FHIP1A: variants seen among roughly 807,000 people sequenced by gnomAD.
FHIP1A encodes FHF complex subunit HOOK-interacting protein 1A.
Under a neutral mutation model 88.6 loss-of-function variants are expected in FHIP1A, and 61 were observed. The observed-to-expected ratio is 0.69, with a 90% CI of 0.56 to 0.85. The LOEUF (loss-of-function observed/expected upper bound fraction) is 0.85. Ranked by LOEUF, FHIP1A falls within the 40% of genes least tolerant of loss-of-function variation. FHIP1A has a pLI of 0.00. For missense variants in FHIP1A, 1,154 were observed against 1,273.5 expected (o/e 0.91, Z 1.43); for synonymous variants, 478 against 496.0 (o/e 0.96, Z 0.48).
intron 10 of FHIP1A, among the ~76,000 whole-genome samples, chr4:151,648,007 C>T (rs919919009): frequency 6.6e-6 from 1 of 152,180 alleles, no homozygotes; most frequent in Admixed American, 6.5e-5. Flanking sequence ...GTTTCAGATG[C>T]CATGTTCTTT....
intron 3 of FHIP1A, among the ~76,000 whole-genome samples, chr4:151,556,048 A>G (rs1732934812): frequency 6.6e-6 from 1 of 152,154 alleles, no homozygotes; most frequent in Non-Finnish European, 1.5e-5. Context: ...TCAGTAAACA[A>G]TGTATAAATG....
At chr4:151,616,316 A>G (rs767142391) in intron 7 of FHIP1A, among the ~76,000 whole-genome samples, 6 of 152,220 alleles carry the variant, frequency 3.9e-5, no homozygotes, top group Non-Finnish European at 8.8e-5. Flanking sequence ...CTGTTGCCAG[A>G]GAATAGGGTT....
intron 7 of FHIP1A, among the ~76,000 whole-genome samples, chr4:151,596,859 GTTTTTCAGCTCCATCAGGTCA>G (rs1734668605): frequency 6.6e-6 from 1 of 152,026 alleles, no homozygotes; most frequent in South Asian, 2.1e-4. Flanking sequence ...CTCGTGTTGT[GTTTTTCAGCTCCATCAGGTCA>G]TTTACATTCT....
At chr4:151,518,059 A>T (rs1467043361) in intron 3 of FHIP1A, among the ~76,000 whole-genome samples, 3 of 152,244 alleles carry the variant, frequency 2.0e-5, no homozygotes, top group African/African-American at 4.8e-5. Context: ...ATAGCAGTGT[A>T]CAGTCATGTC....
At chr4:151,542,555 C>T (rs1732335833) in intron 3 of FHIP1A, among the ~76,000 whole-genome samples, 1 of 152,152 alleles carries the variant, frequency 6.6e-6, no homozygotes, top group African/African-American at 2.4e-5. Flanking sequence ...CAACTTATCC[C>T]ATGTTTATCT....
chr4:151,608,190 G>A (rs971648194), intron 7 of FHIP1A, among the ~76,000 whole-genome samples: 6 of 151,006 alleles, frequency 4.0e-5, no homozygotes, highest in Non-Finnish European at 8.9e-5. Context: ...GATTACAAGC[G>A]TATGCCACAA....
In FHIP1A at chr4:151,649,665, G is replaced by A; in HGVS notation, c.1624G>A (p.Glu542Lys). The A allele has an allele frequency of 6.4e-7, 1 of 1,551,626 alleles. No homozygotes were observed. Among genetic ancestry groups the A allele is most frequent in the African/African-American group, 1.4e-5 (1 of 73,152 alleles). Residue 542 changes from glutamate to lysine, a missense_variant, in exon 11 of 14, where the codon GAG becomes AAG. By Grantham distance (56) the Glu-to-Lys change is moderately conservative (BLOSUM62 1). Transcript: ENST00000435205. ...PEMFLQSLTEEGSVSSACPVF... is the reference protein window; with the variant it reads ...PEMFLQSLTEKGSVSSACPVF... ...GATGTTTCTCCAGAGTCTGACGGAG[G>A]AGGGCAGTGTGAGCTCGGCCTGCCC...
chr4:151,557,625 T>G (rs1030987652), intron 3 of FHIP1A, among the ~76,000 whole-genome samples: 8 of 152,232 alleles, frequency 5.3e-5, no homozygotes, highest in Admixed American at 3.9e-4. Flanking sequence ...GATAAATTAA[T>G]GCATTCCTCC....
At chr4:151,542,634 C>T (rs1732338857) in intron 3 of FHIP1A, among the ~76,000 whole-genome samples, 1 of 152,144 alleles carries the variant, frequency 6.6e-6, no homozygotes, top group African/African-American at 2.4e-5. Flanking sequence ...TTATGAGCTC[C>T]CAGTTGCCTC....
intron 7 of FHIP1A, among the ~76,000 whole-genome samples, chr4:151,603,478 C>T (rs1734954340): frequency 6.6e-6 from 1 of 152,064 alleles, no homozygotes; most frequent in Non-Finnish European, 1.5e-5. Context: ...TTGTCTTTCC[C>T]TAAATGTGGG....
intron 1 of FHIP1A, among the ~76,000 whole-genome samples, chr4:151,447,568 A>G (rs1678347198): frequency 6.6e-6 from 1 of 152,080 alleles, no homozygotes; most frequent in Non-Finnish European, 1.5e-5. Context: ...TATATTGTTT[A>G]TTTTTAAAAA....
At chr4:151,555,313 T>C (rs1177302781) in intron 3 of FHIP1A, among the ~76,000 whole-genome samples, 2 of 152,202 alleles carry the variant, frequency 1.3e-5, no homozygotes, top group African/African-American at 2.4e-5. Context: ...AAGAACATTT[T>C]AGAGGCATCT....
intron 9 of FHIP1A, among the ~76,000 whole-genome samples, chr4:151,640,858 A>C (rs1337028617): frequency 2.6e-5 from 4 of 152,136 alleles, no homozygotes; most frequent in Admixed American, 2.0e-4. Context: ...TGTGTTACAA[A>C]AGTGTCCGCA....
chr4:151,524,956 G>A (rs1170172489), intron 3 of FHIP1A, among the ~76,000 whole-genome samples: 7 of 152,170 alleles, frequency 4.6e-5, no homozygotes, highest in Non-Finnish European at 8.8e-5. Context: ...CAAATGGTGC[G>A]TCAGCTCCAT....
rs956153525 is a variant in FHIP1A at position 151,539,206 on chromosome 4, T to A, written c.-122-26932T>A. On this transcript the variant is annotated intron_variant, in intron 3 of 13. Transcript: ENST00000435205. ...TCTGAGAGACTTAACTGATACTTTT[T>A]TAAGCAAGAATAACCATGATTAAAG... Among the ~76,000 whole-genome samples the A allele has an allele frequency of 1.1e-4, 16 of 152,224 alleles. 1 individual carries two copies. Among genetic ancestry groups the A allele is most frequent in the Admixed American group, 1.0e-3 (16 of 15,280 alleles).
chr4:151,580,771 A>G (rs1733990286), intron 5 of FHIP1A, among the ~76,000 whole-genome samples: 1 of 152,002 alleles, frequency 6.6e-6, no homozygotes, highest in African/African-American at 2.4e-5. Flanking sequence ...TTCAGCATTC[A>G]AAGTGTATGA....
intron 3 of FHIP1A, among the ~76,000 whole-genome samples, chr4:151,498,772 C>T (rs951194715): frequency 3.3e-5 from 5 of 152,136 alleles, no homozygotes; most frequent in East Asian, 3.9e-4. Flanking sequence ...GCCGAGATCA[C>T]GCCACTGCCC....
intron 3 of FHIP1A, among the ~76,000 whole-genome samples, chr4:151,563,288 C>G (rs1211250547): frequency 1.3e-5 from 2 of 152,072 alleles, no homozygotes; most frequent in Non-Finnish European, 2.9e-5. Context: ...CTACATGCAC[C>G]CACTGTTGCA....
chr4:151,591,761 C>G (rs1335463177), intron 7 of FHIP1A, among the ~76,000 whole-genome samples: 1 of 152,138 alleles, frequency 6.6e-6, no homozygotes, highest in East Asian at 1.9e-4. Context: ...TCATCCATGT[C>G]CCTGCAAAGG....
Sources: allele counts gnomAD v4.1 joint callset (sites outside exome capture counted in the v4.1 genomes callset), GRCh38; gene constraint gnomAD v4.1.1; transcripts MANE v1.5; gene names NCBI Gene and HGNC (gene_info 2026-07-23, HGNC 2026-07-21).